The following MAGI2 variants were observed in gnomAD, a reference collection of about 807,000 sequenced individuals.
The protein encoded by MAGI2 is membrane-associated guanylate kinase, WW and PDZ domain-containing protein 2.
In MAGI2, 35 loss-of-function variants were observed where a neutral mutation model predicts 133.3. The ratio of observed to expected loss-of-function variants is 0.26; its 90% CI spans 0.20 to 0.35. The LOEUF (loss-of-function observed/expected upper bound fraction) is 0.35. Ranked by LOEUF, MAGI2 falls within the 10% of genes least tolerant of loss-of-function variation. MAGI2 has a pLI of 1.00. For missense variants in MAGI2, 1,636 were observed against 1,863.4 expected (o/e 0.88, Z 2.25); for synonymous variants, 729 against 710.6 (o/e 1.03, Z -0.41).
intron 2 of MAGI2, among the ~76,000 whole-genome samples, chr7:78,653,098 C>A (rs571649053): frequency 1.3e-4 from 20 of 152,120 alleles, no homozygotes; most frequent in Admixed American, 1.2e-3. Flanking sequence ...CCATCTCATG[C>A]CCGTTAGAAT....
At chr7:78,912,716 T>C (rs534953206) in intron 2 of MAGI2, among the ~76,000 whole-genome samples, 2 of 133,104 alleles carry the variant, frequency 1.5e-5, no homozygotes, top group South Asian at 4.3e-4. Context: ...AACTCCCCTT[T>C]ATATATATAT....
At chr7:79,051,256 C>G (rs542008081) in intron 1 of MAGI2, among the ~76,000 whole-genome samples, 2 of 152,244 alleles carry the variant, frequency 1.3e-5, no homozygotes, top group East Asian at 3.9e-4. Context: ...AAAGCCCAAG[C>G]CCTGTAATAG....
intron 2 of MAGI2, among the ~76,000 whole-genome samples, chr7:78,658,126 T>C (rs1443833484): frequency 1.3e-5 from 2 of 152,192 alleles, no homozygotes; most frequent in Non-Finnish European, 2.9e-5. Flanking sequence ...GGAGGTAATC[T>C]TTTCAGGAGT....
chr7:78,208,977 C>G (rs998067939), intron 10 of MAGI2, among the ~76,000 whole-genome samples: 5 of 151,380 alleles, frequency 3.3e-5, no homozygotes, highest in African/African-American at 1.2e-4. Context: ...AATCCCAGCA[C>G]TTTGGGAGGC....
intron 1 of MAGI2, among the ~76,000 whole-genome samples, chr7:79,168,106 C>A (rs1419278849): frequency 1.3e-5 from 2 of 152,098 alleles, no homozygotes; most frequent in African/African-American, 2.4e-5. Context: ...AGAAACAATG[C>A]TAATGACTGG....
In MAGI2 at chr7:78,994,881, A is replaced by G. The variant is rs1053164392; in HGVS notation, c.418+12209T>C. ...CACCCCCACCCTGATTTGCAAAATA[A>G]GTGTTTTAATGAAATGCAAGGATGA... is the stretch of plus-strand genomic sequence containing the variant. On this transcript the variant is annotated intron_variant, in intron 2 of 21. Coordinates refer to ENST00000354212, the MANE Select transcript of MAGI2 (RefSeq NM_012301.4). 3.9e-5 allele frequency among the ~76,000 whole-genome samples: 6 copies of G among 152,120 alleles called. No individual in the cohort carries two copies. In the South Asian group the frequency reaches 6.2e-4, roughly 16 times the overall value.
At chr7:78,121,597 G>C (rs1257002001) in intron 20 of MAGI2, among the ~76,000 whole-genome samples, 2 of 152,190 alleles carry the variant, frequency 1.3e-5, no homozygotes, top group African/African-American at 4.8e-5. Flanking sequence ...TACAAATCTT[G>C]TGAGTGTGTG....
chr7:79,418,003 TC>T (rs1303827500), intron 1 of MAGI2, among the ~76,000 whole-genome samples: 1 of 152,102 alleles, frequency 6.6e-6, no homozygotes, highest in African/African-American at 2.4e-5. Context: ...CATATTTTTT[TC>T]ATGTGTACAG....
chr7:78,716,185 A>C (rs1319251521), intron 2 of MAGI2, among the ~76,000 whole-genome samples: 5 of 152,218 alleles, frequency 3.3e-5, no homozygotes, highest in Admixed American at 6.5e-5. Flanking sequence ...TCTGGTCTGC[A>C]GTTCTTTTCC....
At chr7:79,213,578 A>G (rs1279990915) in intron 1 of MAGI2, among the ~76,000 whole-genome samples, 1 of 152,078 alleles carries the variant, frequency 6.6e-6, no homozygotes, top group African/African-American at 2.4e-5. Flanking sequence ...AAGCAAGTCA[A>G]TTGTACAACT....
At chr7:78,283,242 T>A (rs1795809999) in intron 9 of MAGI2, among the ~76,000 whole-genome samples, 1 of 152,090 alleles carries the variant, frequency 6.6e-6, no homozygotes, top group South Asian at 2.1e-4. Flanking sequence ...ATCTCAAGAG[T>A]CAAAGCTTGA....
At chr7:79,202,776 T>C (rs764110444) in intron 1 of MAGI2, among the ~76,000 whole-genome samples, 7 of 151,982 alleles carry the variant, frequency 4.6e-5, no homozygotes, top group Non-Finnish European at 7.4e-5. Flanking sequence ...TGTAACCAAG[T>C]CTTCTAAAAA....
chr7:79,432,478 CAGA>C (rs551926514), intron 1 of MAGI2, among the ~76,000 whole-genome samples: 1 of 152,176 alleles, frequency 6.6e-6, no homozygotes, highest in Non-Finnish European at 1.5e-5. Context: ...TACTTCTTGG[CAGA>C]AGAATTCTGA....
At chr7:78,243,259 ACACACACACACTCTCTCTCTCT>A (rs1791365033) in intron 10 of MAGI2, among the ~76,000 whole-genome samples, 2 of 78,420 alleles carry the variant, frequency 2.6e-5, no homozygotes, top group Admixed American at 2.4e-4. Context: ...ACACACACAC[ACACACACACACTCTCTCTCTCT>A]CTCTCTTATA....
intron 1 of MAGI2, among the ~76,000 whole-genome samples, chr7:79,120,091 A>G (rs1819756318): frequency 6.6e-6 from 1 of 152,108 alleles, no homozygotes; most frequent in Admixed American, 6.6e-5. Context: ...TGCATAGAAG[A>G]GAAAATGAAA....
At chr7:79,214,415 A>C (rs1221780887) in intron 1 of MAGI2, among the ~76,000 whole-genome samples, 365 of 105,850 alleles carry the variant, frequency 3.4e-3, no homozygotes, top group South Asian at 4.9e-3. Flanking sequence ...CTCTATATAT[A>C]TATATATATA....
At chr7:78,456,628 G>T (rs533214730) in intron 6 of MAGI2, among the ~76,000 whole-genome samples, 1 of 152,008 alleles carries the variant, frequency 6.6e-6, no homozygotes, top group African/African-American at 2.4e-5. Context: ...AATTTATTCC[G>T]GTATAATACA....
chr7:79,365,867 C>CAAAAAA (rs71095399), intron 1 of MAGI2, among the ~76,000 whole-genome samples: 3,553 of 48,758 alleles, frequency 0.073, 459 homozygotes, highest in East Asian at 0.22. Flanking sequence ...ACTCTTGTCT[C>CAAAAAA]AAAAAAAAAA....
Position 78,120,260 on chromosome 7 carries a change from G to A in MAGI2, c.3567+5434C>T, listed in dbSNP as rs539959311. ...TACTAAAAATACAAAAAAATTAGCC[G>A]GGCGTGGTGGCAGGTGCCTGTAGTC... On this transcript the variant is annotated intron_variant, in intron 20 of 21. Coordinates refer to ENST00000354212, the MANE Select transcript of MAGI2 (RefSeq NM_012301.4). Among the ~76,000 whole-genome samples, 215 of 152,130 alleles carry A rather than the reference G, an allele frequency of 1.4e-3. 1 individual carries two copies. Among genetic ancestry groups the A allele is most frequent in the African/African-American group, 4.9e-3 (202 of 41,490 alleles).
Sources: gnomAD v4.1 joint callset for allele counts (sites outside exome capture counted in the v4.1 genomes callset) on GRCh38, gnomAD v4.1.1 for gene constraint, MANE v1.5 for transcripts, NCBI Gene and HGNC (gene_info 2026-07-23, HGNC 2026-07-21) for gene names.